The following SGK1 variants were observed in gnomAD, a reference collection of about 807,000 sequenced individuals.
SGK1 encodes the protein serum/glucocorticoid regulated kinase 1.
SGK1 carries 26 observed loss-of-function variants against 64.2 expected under a neutral mutation model. That is an observed-to-expected ratio of 0.40 (90% CI 0.30 to 0.56). SGK1 has a LOEUF of 0.56. Among genes scored for constraint, SGK1 ranks in the 20% least tolerant of loss-of-function variants. SGK1 has a pLI of 0.38. For missense variants in SGK1, 519 were observed against 645.6 expected (o/e 0.80, Z 2.12); for synonymous variants, 265 against 239.7 (o/e 1.11, Z -0.98).
intron 2 of SGK1, among the ~76,000 whole-genome samples, chr6:134,254,113 C>T (rs1776645039): frequency 1.0e-5 from 1 of 96,176 alleles, no homozygotes; most frequent in African/African-American, 3.5e-5. Context: ...CCTAGTCTCT[C>T]CTTTTTTTTT....
chr6:134,197,869 TAAAATAAAATATAAAA>T (rs1775619536), intron 3 of SGK1, among the ~76,000 whole-genome samples: 1 of 110,490 alleles, frequency 9.1e-6, no homozygotes, highest in Non-Finnish European at 2.0e-5. Flanking sequence ...TAAATTAAAA[TAAAATAAAATATAAAA>T]TAAAATAAAA....
chr6:134,218,316 A>G (rs1017020381), intron 2 of SGK1, among the ~76,000 whole-genome samples: 1 of 152,216 alleles, frequency 6.6e-6, no homozygotes, highest in African/African-American at 2.4e-5. Context: ...TTATTCATTT[A>G]ATAAATATTT....
rs533432026 is a variant in SGK1, at chr6:134,206,303, A to G, written c.361+1053T>C. 6.4e-5 allele frequency among the ~76,000 whole-genome samples: 9 copies of G among 139,832 alleles called. No homozygotes were observed. The South Asian group carries it at 2.1e-3, about 33-fold the overall frequency. The allele number at this position is 139,832 out of a possible 152,430, so 91.7% of individuals were successfully genotyped here. ...TCATTCCTCATTCCTCCCAACACTT[A>G]AATATGCTTCACAATCCACAAAGCT... is the stretch of plus-strand genomic sequence containing the variant. On this transcript the variant is annotated intron_variant, in intron 3 of 13. Coordinates refer to ENST00000367858, the MANE Select transcript of SGK1 (RefSeq NM_001143676.3).
At chr6:134,235,167 C>T (rs1207888567) in intron 2 of SGK1, among the ~76,000 whole-genome samples, 1 of 152,160 alleles carries the variant, frequency 6.6e-6, no homozygotes, top group East Asian at 1.9e-4. Context: ...GTAAAGCTAA[C>T]TAAATGTCAA....
intron 1 of SGK1, among the ~76,000 whole-genome samples, chr6:134,300,282 T>G (rs1355611120): frequency 6.6e-6 from 1 of 152,082 alleles, no homozygotes; most frequent in South Asian, 2.1e-4. Context: ...CTCACGCCTG[T>G]AATCCCAGCA....
chr6:134,259,183 TGGA>T (rs1400003060), intron 2 of SGK1, among the ~76,000 whole-genome samples: 24 of 152,182 alleles, frequency 1.6e-4, no homozygotes, highest in Non-Finnish European at 2.2e-4. Flanking sequence ...TCCTTTTGTG[TGGA>T]ATTTCACTGT....
chr6:134,305,242 C>T (rs981672977), intron 1 of SGK1, among the ~76,000 whole-genome samples: 11 of 151,712 alleles, frequency 7.3e-5, no homozygotes, highest in Non-Finnish European at 1.2e-4. Flanking sequence ...GCTTGTAGGC[C>T]CACCTACTCT....
At chr6:134,248,738 A>T (rs1776563200) in intron 2 of SGK1, among the ~76,000 whole-genome samples, 1 of 152,108 alleles carries the variant, frequency 6.6e-6, no homozygotes, top group African/African-American at 2.4e-5. Context: ...CAACATAGAG[A>T]ACTCCCTAAC....
chr6:134,255,101 T>C (rs1288325998), intron 2 of SGK1, among the ~76,000 whole-genome samples: 1 of 152,148 alleles, frequency 6.6e-6, no homozygotes, highest in East Asian at 1.9e-4. Context: ...AACTCTGACC[T>C]TAGGTGATCC....
At chr6:134,186,166 T>C (rs1308370065) in intron 3 of SGK1, among the ~76,000 whole-genome samples, 1 of 152,148 alleles carries the variant, frequency 6.6e-6, no homozygotes, top group Non-Finnish European at 1.5e-5. Context: ...CCATTACACA[T>C]CTCTTTGTAT....
chr6:134,212,310 C>A (rs1304895085), intron 2 of SGK1, among the ~76,000 whole-genome samples: 3 of 152,158 alleles, frequency 2.0e-5, no homozygotes, highest in Admixed American at 2.0e-4. Context: ...GCTTCAGCCT[C>A]CCAAAGTGCT....
chr6:134,309,480 G>A (rs1185676256), intron 1 of SGK1, among the ~76,000 whole-genome samples: 3 of 152,110 alleles, frequency 2.0e-5, no homozygotes, highest in African/African-American at 4.8e-5. Context: ...CCACTTGCTG[G>A]GTAAGCCTGC....
intron 3 of SGK1, among the ~76,000 whole-genome samples, chr6:134,206,364 TA>T (rs1562250309): frequency 0.011 from 82 of 7,766 alleles, 1 homozygote; most frequent in African/African-American, 0.019. Context: ...TATATATATA[TA>T]TATATATATA....
chr6:134,208,487 A>C (rs1238795591), intron 2 of SGK1, among the ~76,000 whole-genome samples: 2 of 152,062 alleles, frequency 1.3e-5, no homozygotes, highest in African/African-American at 4.8e-5. Flanking sequence ...ACACCCAAGC[A>C]GTGTACACTG....
rs763411927 is a variant in SGK1 at position 134,172,291 on chromosome 6, G to A, written c.973C>T (p.Leu325=). ...YRDLKPENIL[L]DSQGHIVLTD... ...AGGACAATGTGTCCCTGTGAATCTA[G>A]CAAAATATTCTCTGGTTTTAAGTCT... Residue 325 remains leucine (L), a synonymous_variant, in exon 10 of 14, where the codon CTA becomes TTA. Coordinates refer to ENST00000367858, the MANE Select transcript of SGK1 (RefSeq NM_001143676.3). 1 of 1,612,992 alleles carries A rather than the reference G, an allele frequency of 6.2e-7. No homozygotes were observed. Among genetic ancestry groups the A allele is most frequent in the Non-Finnish European group, 8.5e-7 (1 of 1,179,494 alleles).
intron 9 of SGK1, 26 bp downstream of exon 9, chr6:134,172,636 G>A: frequency 7.1e-7 from 1 of 1,415,724 alleles, no homozygotes; most frequent in Non-Finnish European, 1.0e-6. Context: ...ACCAAAACTG[G>A]TAGCCTGAAG....
chr6:134,204,594 C>T (rs2114680358), intron 3 of SGK1, among the ~76,000 whole-genome samples: 1 of 146,982 alleles, frequency 6.8e-6, no homozygotes, highest in South Asian at 2.1e-4. Flanking sequence ...ACTCTTTTTG[C>T]CCAGGCTGGA....
At chr6:134,260,367 G>GC (rs1491556165) in intron 2 of SGK1, 2 of 56,850 alleles carry the variant, frequency 3.5e-5, no homozygotes, top group African/African-American at 1.1e-4. Flanking sequence ...CCCTGTCCCC[G>GC]ACCCCCACCC....
intron 3 of SGK1, chr6:134,180,462 G>A (rs1775314251): frequency 6.6e-6 from 1 of 152,138 alleles, no homozygotes; most frequent in Non-Finnish European, 1.5e-5. Flanking sequence ...GGATTGACCT[G>A]GAAAATGGTG....
Sources: allele counts gnomAD v4.1 joint callset (sites outside exome capture counted in the v4.1 genomes callset), GRCh38; gene constraint gnomAD v4.1.1; transcripts MANE v1.5; gene names NCBI Gene and HGNC (gene_info 2026-07-23, HGNC 2026-07-21).